The following LIMCH1 variants were observed in gnomAD, a reference collection of about 807,000 sequenced individuals.
The protein encoded by LIMCH1 is LIM and calponin homology domains-containing protein 1.
A neutral mutation model predicts 176.5 loss-of-function variants in LIMCH1; 113 were observed. The observed-to-expected ratio is 0.64, with a 90% CI of 0.55 to 0.75. The LOEUF (loss-of-function observed/expected upper bound fraction) is 0.75. Among genes scored for constraint, LIMCH1 ranks in the 30% least tolerant of loss-of-function variants. LIMCH1 has a pLI of 0.00. For synonymous variants in LIMCH1, 619 were observed against 645.9 expected, an observed-to-expected ratio of 0.96 and a Z score of 0.63; for missense variants, 1,674 against 1,814.9, an observed-to-expected ratio of 0.92 and a Z score of 1.41.
At chr4:41,602,072 GGTGT>G (rs141117600) in intron 2 of LIMCH1, among the ~76,000 whole-genome samples, 27 of 141,112 alleles carry the variant, frequency 1.9e-4, no homozygotes, top group Non-Finnish European at 2.5e-4. Flanking sequence ...TTTCTTGTGT[GGTGT>G]GTGTGTGTGT....
chr4:41,400,033 G>C (rs941693440), intron 1 of LIMCH1, among the ~76,000 whole-genome samples: 1 of 150,668 alleles, frequency 6.6e-6, no homozygotes, highest in African/African-American at 2.5e-5. Flanking sequence ...CTTTTTTTGA[G>C]GAGGAAACTG....
chr4:41,534,164 G>T (rs1395500684), upstream of LIMCH1, among the ~76,000 whole-genome samples: 1 of 152,126 alleles, frequency 6.6e-6, no homozygotes, highest in Non-Finnish European at 1.5e-5. Flanking sequence ...AAATGAGAGA[G>T]GATGGACACT....
intron 13 of LIMCH1, among the ~76,000 whole-genome samples, chr4:41,637,671 A>G (rs2093648492): frequency 1.3e-5 from 2 of 152,296 alleles, no homozygotes; most frequent in African/African-American, 4.8e-5. Flanking sequence ...GTTTTTGGCC[A>G]TTTCAACAGA....
chr4:41,360,356 C>G (rs540486573), upstream of LIMCH1, among the ~76,000 whole-genome samples: 1 of 152,198 alleles, frequency 6.6e-6, no homozygotes, highest in South Asian at 2.1e-4. The surrounding 1 kb of genome is among the most constrained non-coding windows in gnomAD (Gnocchi z 4.5). Context: ...CCCGCTCCCC[C>G]GGGCCCGGGT....
chr4:41,664,073 C>T (rs952012323), intron 20 of LIMCH1, among the ~76,000 whole-genome samples: 1 of 151,862 alleles, frequency 6.6e-6, no homozygotes, highest in African/African-American at 2.4e-5. Flanking sequence ...CAAGCCCATT[C>T]CAGACCAAAT....
intron 1 of LIMCH1, among the ~76,000 whole-genome samples, chr4:41,566,163 T>C (rs2082739327): frequency 6.6e-6 from 1 of 152,118 alleles, no homozygotes; most frequent in African/African-American, 2.4e-5. Context: ...TCATGTCACA[T>C]TGAGCCCCTC....
intron 21 of LIMCH1, chr4:41,670,790 C>A (rs2094989250): frequency 6.5e-7 from 1 of 1,535,876 alleles, no homozygotes; most frequent in South Asian, 1.2e-5. Context: ...TTCTCCCAGT[C>A]AGGTAAACTG....
chr4:41,598,486 A>G (rs565064615), intron 1 of LIMCH1, among the ~76,000 whole-genome samples: 1 of 152,272 alleles, frequency 6.6e-6, no homozygotes, highest in Non-Finnish European at 1.5e-5. Context: ...ATTTTAGAAG[A>G]TCAATTAAGA....
At chr4:41,490,341 G>A (rs988583031) in intron 1 of LIMCH1, among the ~76,000 whole-genome samples, 3 of 150,882 alleles carry the variant, frequency 2.0e-5, no homozygotes, top group Non-Finnish European at 2.9e-5. Flanking sequence ...GGATGTGGCA[G>A]GGTCATAGGA....
intron 14 of LIMCH1, among the ~76,000 whole-genome samples, chr4:41,644,296 C>A (rs1438423592): frequency 6.6e-6 from 1 of 152,118 alleles, no homozygotes; most frequent in Non-Finnish European, 1.5e-5. Flanking sequence ...TTGGCGTTTG[C>A]GGCAAAAGGA....
chr4:41,637,128 A>C (rs1334006013), intron 13 of LIMCH1, among the ~76,000 whole-genome samples: 1 of 152,198 alleles, frequency 6.6e-6, no homozygotes, highest in Admixed American at 6.5e-5. Flanking sequence ...CTATTTATTA[A>C]CTGGGAAACA....
intron 1 of LIMCH1, among the ~76,000 whole-genome samples, chr4:41,549,542 T>C (rs976597813): frequency 6.6e-6 from 1 of 152,096 alleles, no homozygotes; most frequent in Non-Finnish European, 1.5e-5. Context: ...CTAGGAACAA[T>C]ATAATAGTAC....
At chr4:41,673,700 A>G (rs759087939) in intron 22 of LIMCH1, among the ~76,000 whole-genome samples, 1 of 152,152 alleles carries the variant, frequency 6.6e-6, no homozygotes, top group Non-Finnish European at 1.5e-5. Context: ...CATTTATTCA[A>G]CAAACATTTG....
chr4:41,586,681 G>T (rs927448452), intron 1 of LIMCH1, among the ~76,000 whole-genome samples: 5 of 152,182 alleles, frequency 3.3e-5, no homozygotes, highest in African/African-American at 1.2e-4. Context: ...GGGTTTTAGG[G>T]TTAGTTTAAG....
chr4:41,386,369 A>G (rs2056493719), intron 1 of LIMCH1, among the ~76,000 whole-genome samples: 1 of 152,332 alleles, frequency 6.6e-6, no homozygotes, highest in East Asian at 1.9e-4. Flanking sequence ...CTCTCCAAAC[A>G]TCAGTTTTCT....
chr4:41,696,282 G>GTGT (rs1259720568), intron 31 of LIMCH1, among the ~76,000 whole-genome samples: 1 of 152,170 alleles, frequency 6.6e-6, no homozygotes, highest in Non-Finnish European at 1.5e-5. Flanking sequence ...TTGTGCTTGG[G>GTGT]TGTTGGATGA....
At chr4:41,622,054 G>A (rs763322378) in intron 7 of LIMCH1, among the ~76,000 whole-genome samples, 5 of 151,492 alleles carry the variant, frequency 3.3e-5, no homozygotes, top group Non-Finnish European at 5.9e-5. Flanking sequence ...TTCTGAACAC[G>A]TATGTGCTTC....
At chr4:41,515,576 G>T (rs1195634129) in intron 2 of LIMCH1, among the ~76,000 whole-genome samples, 1 of 152,222 alleles carries the variant, frequency 6.6e-6, no homozygotes, top group African/African-American at 2.4e-5. Context: ...TGTGCCAAGT[G>T]CATTACATGC....
intron 1 of LIMCH1, among the ~76,000 whole-genome samples, chr4:41,547,853 TTGTG>T (rs1280178003): frequency 2.3e-4 from 24 of 102,712 alleles, no homozygotes; most frequent in African/African-American, 8.5e-4. Flanking sequence ...GATATATAAT[TTGTG>T]TGTGTGTATA....
Sources: allele counts gnomAD v4.1 joint callset (sites outside exome capture counted in the v4.1 genomes callset), GRCh38; gene constraint gnomAD v4.1.1; non-coding constraint Gnocchi (gnomAD v3.1); transcripts MANE v1.5; gene names NCBI Gene and HGNC (gene_info 2026-07-23, HGNC 2026-07-21).